Variants in TP53TG5 observed in about 807,000 individuals in gnomAD.
The protein encoded by TP53TG5 is TP53-target gene 5 protein.
Under a neutral mutation model 30.0 loss-of-function variants are expected in TP53TG5, and 17 were observed. The observed-to-expected ratio is 0.57, with a 90% CI of 0.39 to 0.85. TP53TG5 has a LOEUF of 0.85. Among genes scored for constraint, TP53TG5 ranks in the 40% least tolerant of loss-of-function variants. TP53TG5 has a pLI of 0.00. For synonymous variants in TP53TG5, 137 were observed against 139.2 expected, an observed-to-expected ratio of 0.98 and a Z score of 0.11; for missense variants, 338 against 367.9, an observed-to-expected ratio of 0.92 and a Z score of 0.67.
rs1183242348 is a variant in TP53TG5 at position 45,373,950 on chromosome 20, A to G, written c.830T>C (p.Leu277Pro). ...ASRGWRSRHQ[L>P]KGRNGWRNSR... ...ATTTCGCCACCCATTCCTCCCCTTC[A>G]GCTGATGGCGCGATCTCCACCCTCT... The change falls in exon 5 of 5, where the codon CTG becomes CCG. Residue 277 changes from leucine to proline, a missense_variant. By Grantham distance (98) the Leu-to-Pro change is moderately conservative. Coordinates refer to ENST00000372726, the MANE Select transcript of TP53TG5 (RefSeq NM_014477.3). 1.9e-6 allele frequency: 3 copies of G among 1,613,290 alleles called. No homozygotes were observed. Among genetic ancestry groups the G allele is most frequent in the South Asian group, 2.2e-5 (2 of 91,026 alleles).
At chr20:45,374,997 C>T in intron 4 of TP53TG5, 42 bp downstream of exon 4, 4 of 1,582,456 alleles carry the variant, frequency 2.5e-6, no homozygotes, top group Non-Finnish European at 3.4e-6. Flanking sequence ...TGGCTTGGGG[C>T]TTGCATCTCA....
intron 4 of TP53TG5, 21 bp from the exon 5 acceptor site, chr20:45,374,032 G>A: frequency 6.2e-7 from 1 of 1,612,398 alleles, no homozygotes; most frequent in Admixed American, 1.7e-5. Context: ...AAACCTCGGT[G>A]TTAGGCGCTA....
rs1397525842 is a variant in TP53TG5 at position 45,375,495 on chromosome 20, C to T, written c.312G>A (p.Gly104=). 1.2e-6 allele frequency: 2 copies of T among 1,607,916 alleles called. No homozygotes were observed. The highest frequency in any genetic ancestry group is 1.7e-6 in the Non-Finnish European group (2 of 1,177,344). ...TGGACTTGAGTTCCTTCTCGGAGCACCCGATCTCCTGGAACTCTTCATTAT... is the reference window on the plus strand; with the variant it reads ...TGGACTTGAGTTCCTTCTCGGAGCATCCGATCTCCTGGAACTCTTCATTAT... ...KQNNEEFQEI[G]CSEKELKSKK... is the part of the protein sequence containing the mutation. Residue 104 remains glycine (G), a synonymous_variant, in exon 4 of 5, where the codon GGG becomes GGA. Coordinates refer to ENST00000372726, the MANE Select transcript of TP53TG5 (RefSeq NM_014477.3).
chr20:45,375,669 G>T, intron 3 of TP53TG5, 117 bp from the exon 4 acceptor site: 3 of 1,300,646 alleles, frequency 2.3e-6, no homozygotes, highest in Non-Finnish European at 3.1e-6. Context: ...GGCCTGCAAA[G>T]AAACTTCTCT....
chr20:45,377,108 G>A, intron 3 of TP53TG5, 104 bp downstream of exon 3: 1 of 1,447,602 alleles, frequency 6.9e-7, no homozygotes, highest in Non-Finnish European at 9.4e-7. Flanking sequence ...CTCTCTCACA[G>A]AGGCTTTGTG....
Position 45,375,111 on chromosome 20 carries a change from C to A in TP53TG5, c.696G>T (p.Leu232=), listed in dbSNP as rs1358893010. The change falls in exon 4 of 5, where the codon CTG becomes CTT. Residue 232 remains leucine (L), a synonymous_variant. Coordinates refer to ENST00000372726, the MANE Select transcript of TP53TG5 (RefSeq NM_014477.3). ...APRVMCRSST[L]RWVKRRCTRF... is the part of the protein sequence containing the mutation. ...GGGTGCAGCGGCGCTTGACCCAACG[C>A]AGGGTGGAGGATCTGCACATCACCC... is the stretch of plus-strand genomic sequence containing the variant. 4.3e-6 allele frequency: 7 copies of A among 1,613,994 alleles called. No individual in the cohort carries two copies. Among genetic ancestry groups the A allele is most frequent in the African/African-American group, 1.3e-5 (1 of 74,948 alleles).
intron 3 of TP53TG5, 156 bp from the exon 4 acceptor site, chr20:45,375,708 G>A: frequency 5.6e-6 from 5 of 900,026 alleles, no homozygotes; most frequent in South Asian, 5.1e-5. Context: ...GCTGGTGTGA[G>A]GAGGTGTGAT....
Position 45,375,488 on chromosome 20 carries a change from C to G in TP53TG5, c.319G>C (p.Glu107Gln). The part of the protein sequence containing the change: ...NEEFQEIGCS[E>Q]KELKSKKLES... ...AATTTCTTGGACTTGAGTTCCTTCT[C>G]GGAGCACCCGATCTCCTGGAACTCT... Residue 107 changes from glutamate to glutamine, a missense_variant, in exon 4 of 5, where the codon GAG (glutamate) becomes CAG (glutamine). Glu to Gln is a conservative substitution (Grantham distance 29, BLOSUM62 2). Coordinates refer to ENST00000372726, the MANE Select transcript of TP53TG5 (RefSeq NM_014477.3). 2 of 1,611,720 alleles carry G rather than the reference C, an allele frequency of 1.2e-6. No individual in the cohort carries two copies. Among genetic ancestry groups the G allele is most frequent in the Non-Finnish European group, 1.7e-6 (2 of 1,179,148 alleles).
chr20:45,377,174 G>A lies in TP53TG5; in HGVS notation c.254+38C>T, dbSNP rs2231617. On this transcript the variant is annotated intron_variant, in intron 3 of 4. Transcript: ENST00000372726. The stretch of plus-strand genomic sequence containing the variant: ...CACAATGCCTGTTCCCAGAAAGACG[G>A]CATTTGGGTCCATTATGGGGGCCAG... 603 of 1,609,944 alleles carry A rather than the reference G, an allele frequency of 3.7e-4. 6 individuals carry two copies. The African/African-American group carries it at 7.1e-3, about 19-fold the overall frequency.
At chr20:45,377,084 G>C in intron 3 of TP53TG5, 128 bp downstream of exon 3, 2 of 1,246,128 alleles carry the variant, frequency 1.6e-6, no homozygotes, top group Non-Finnish European at 1.1e-6. Flanking sequence ...CAGTAAAATA[G>C]AGTTAATAAA....
chr20:45,374,157 T>C lies in TP53TG5; in HGVS notation c.769-146A>G. 5 of 726,574 alleles carry C rather than the reference T, an allele frequency of 6.9e-6. No homozygotes were observed. In the East Asian group the frequency reaches 1.3e-4, roughly 19 times the overall value. The allele number at this position is 726,574 out of a possible 1,614,324, so 45.0% of individuals were successfully genotyped here. A position where few individuals can be genotyped will look rare whatever the true frequency, so the allele number is the denominator to read the frequency against. On this transcript the variant is annotated intron_variant, in intron 4 of 4. Coordinates refer to ENST00000372726, the MANE Select transcript of TP53TG5 (RefSeq NM_014477.3). The stretch of plus-strand genomic sequence containing the variant: ...AAAAAGGAAAAGCCTCCCTTTAAGC[T>C]AGACCCGGTGGGCACTCACCCCCTT...
chr20:45,376,606 C>G (rs1988741319), intron 3 of TP53TG5: 1 of 152,170 alleles, frequency 6.6e-6, no homozygotes, highest in Admixed American at 6.5e-5. Context: ...TTCTGTCTAC[C>G]TAACAGGATT....
chr20:45,374,147 C>G (rs1810434), intron 4 of TP53TG5, 136 bp from the exon 5 acceptor site: 10 of 775,364 alleles, frequency 1.3e-5, no homozygotes, highest in Middle Eastern at 2.3e-4. Flanking sequence ...GGAAAAGCCT[C>G]CCTTTAAGCT....
intron 4 of TP53TG5, chr20:45,374,342 A>G (rs1214624873): frequency 1.5e-6 from 1 of 676,300 alleles, no homozygotes. Flanking sequence ...GCGAAGTCAC[A>G]GCTCACTGCA....
In TP53TG5 at chr20:45,372,844, T is replaced by C. The variant is rs1454940717; in HGVS notation, c.*1063A>G. ...GAGGTGCTAAGCAGTCCCCGCGCTG[T>C]GGCTCCGCCCAGGCTGGTCCGCGCG... On this transcript the variant is annotated 3_prime_UTR_variant, in exon 5 of 5. Coordinates refer to ENST00000372726, the MANE Select transcript of TP53TG5 (RefSeq NM_014477.3). The C allele has an allele frequency of 2.7e-5, 4 of 145,554 alleles. No homozygotes were observed. The highest frequency in any genetic ancestry group is 1.0e-4 in the African/African-American group (4 of 40,112). 9.0% of individuals were successfully genotyped at this position (145,554 alleles called of 1,614,324 possible). A position where few individuals can be genotyped will look rare whatever the true frequency, so the allele number is the denominator to read the frequency against.
chr20:45,374,375 G>T, intron 4 of TP53TG5: 1 of 640,198 alleles, frequency 1.6e-6, no homozygotes, highest in South Asian at 1.8e-5. Context: ...GGGCTTAAGC[G>T]ATCCTCCGAC....
chr20:45,377,282 G>GT lies in TP53TG5; in HGVS notation c.183dup (p.Leu62ThrfsTer3), dbSNP rs577494843. The stretch of plus-strand genomic sequence containing the variant: ...CAACACCTTTTGGCCAGCTTATGCA[G>GT]TTCTTGGATCCGGCGGTTTGAGCTC... On this transcript the variant is annotated frameshift_variant, in exon 3 of 5. Coordinates refer to ENST00000372726, the MANE Select transcript of TP53TG5 (RefSeq NM_014477.3). LOFTEE classifies it high-confidence loss of function. The GT allele has an allele frequency of 2.5e-6, 4 of 1,614,222 alleles. No individual in the cohort carries two copies. Among genetic ancestry groups the GT allele is most frequent in the Admixed American group, 1.7e-5 (1 of 60,030 alleles).
At chr20:45,374,446 A>T (rs758600162) in intron 4 of TP53TG5, 2 of 569,326 alleles carry the variant, frequency 3.5e-6, no homozygotes, top group East Asian at 2.9e-5. Flanking sequence ...TAATTTTTAA[A>T]TTTTTTGTAG....
At position 45,378,129 on chromosome 20, in the gene TP53TG5, G is replaced by A; in HGVS notation, c.48+60C>T. The A allele has an allele frequency of 2.4e-5, 38 of 1,610,522 alleles. 1 individual carries two copies. In the South Asian group the frequency reaches 4.1e-4, roughly 17 times the overall value. ...GGAAAGCCCCTTTCCTTGGCATGGTGGATTCTTTGTTAAGGTCCCCTCTAG... is the reference window on the plus strand; with the variant it reads ...GGAAAGCCCCTTTCCTTGGCATGGTAGATTCTTTGTTAAGGTCCCCTCTAG... On this transcript the variant is annotated intron_variant, in intron 1 of 4. Transcript: ENST00000372726.
Sources: allele counts gnomAD v4.1 joint callset, GRCh38; gene constraint gnomAD v4.1.1; transcripts MANE v1.5; gene names NCBI Gene and HGNC (gene_info 2026-07-23, HGNC 2026-07-21).